The following CD9 variants were observed in gnomAD, a reference collection of about 807,000 sequenced individuals.
CD9 encodes the protein CD9 antigen.
CD9 carries 10 observed loss-of-function variants against 31.4 expected under a neutral mutation model. The observed-to-expected ratio is 0.32, with a 90% CI of 0.20 to 0.54. CD9 has a LOEUF of 0.54. Ranked by LOEUF, CD9 falls within the 20% of genes least tolerant of loss-of-function variation. The pLI is 0.94. For missense variants in CD9, 259 were observed against 300.1 expected, an observed-to-expected ratio of 0.86 and a Z score of 1.01; for synonymous variants, 113 against 114.1, an observed-to-expected ratio of 0.99 and a Z score of 0.06.
chr12:6,233,240 G>C (rs945251822), intron 3 of CD9, 172 bp from the exon 4 acceptor site: 18 of 641,786 alleles, frequency 2.8e-5, no homozygotes, highest in Non-Finnish European at 4.8e-5. Context: ...TCCTGGGCTT[G>C]GTTAACTGCC....
intron 1 of CD9, among the ~76,000 whole-genome samples, chr12:6,221,813 C>CAAA (rs34034952): frequency 1.1e-4 from 7 of 62,028 alleles, no homozygotes; most frequent in African/African-American, 2.3e-4. Flanking sequence ...CCTGGCTCTA[C>CAAA]AAAAAAAAAA....
In CD9 at chr12:6,237,936, AATTTT is replaced by A; in HGVS notation, c.*110_*114del. ...GTTTGTTGTTTGTTTTTTTGCCACT[AATTTT>A]AGTATTCATTCTGCATTGCTAGATA... On this transcript the variant is annotated 3_prime_UTR_variant, in exon 8 of 8. Coordinates refer to ENST00000009180, the MANE Select transcript of CD9 (RefSeq NM_001769.4). 1.3e-6 allele frequency: 1 copy of A among 790,530 alleles called. No individual in the cohort carries two copies. Among genetic ancestry groups the A allele is most frequent in the Non-Finnish European group, 2.1e-6 (1 of 467,346 alleles). 49.0% of individuals were successfully genotyped at this position (790,530 alleles called of 1,614,324 possible).
At position 6,200,426 on chromosome 12, in the gene CD9, A is replaced by G. The variant is rs1946061604; in HGVS notation, c.-74A>G. 13 of 946,534 alleles carry G rather than the reference A, an allele frequency of 1.4e-5. 1 individual carries two copies. The highest frequency in any genetic ancestry group is 2.2e-5 in the Non-Finnish European group (13 of 578,072). The allele number at this position is 946,534 out of a possible 1,614,324, so 58.6% of individuals were successfully genotyped here. A position where few individuals can be genotyped will look rare whatever the true frequency, so the allele number is the denominator to read the frequency against. Reference sequence around the variant, plus strand: ...GCCGCCTGCATCTGTATCCAGCGCCAGGTCCCGCCAGTCCCAGCTGCGCGC... The same window carrying G: ...GCCGCCTGCATCTGTATCCAGCGCCGGGTCCCGCCAGTCCCAGCTGCGCGC... On this transcript the variant is annotated 5_prime_UTR_variant, in exon 1 of 8. Transcript: ENST00000009180.
chr12:6,202,195 G>A (rs892118583), intron 1 of CD9, among the ~76,000 whole-genome samples: 2 of 152,156 alleles, frequency 1.3e-5, no homozygotes, highest in Non-Finnish European at 2.9e-5. Context: ...ACTTCCCCCA[G>A]TGCATCAGTC....
intron 1 of CD9, among the ~76,000 whole-genome samples, chr12:6,219,410 T>G (rs1946271667): frequency 6.6e-6 from 1 of 152,186 alleles, no homozygotes; most frequent in Admixed American, 6.5e-5. Context: ...TTGTTGTCAT[T>G]CCCCAAATAT....
intron 1 of CD9, among the ~76,000 whole-genome samples, chr12:6,211,564 C>T (rs981272273): frequency 2.0e-5 from 3 of 152,244 alleles, no homozygotes; most frequent in Admixed American, 1.3e-4. Context: ...TGGCGGCCAA[C>T]TCTGCAGATG....
At chr12:6,203,834 T>A (rs1351422088) in intron 1 of CD9, among the ~76,000 whole-genome samples, 1 of 152,278 alleles carries the variant, frequency 6.6e-6, no homozygotes, top group South Asian at 2.1e-4. Context: ...CTGCCCTCTT[T>A]CTGGTCAGAG....
intron 1 of CD9, among the ~76,000 whole-genome samples, chr12:6,203,127 G>A (rs1314139328): frequency 6.6e-6 from 1 of 152,178 alleles, no homozygotes; most frequent in Non-Finnish European, 1.5e-5. Context: ...GCCAAGAGCA[G>A]GAAGCATTGT....
chr12:6,216,770 G>A (rs1946247281), intron 1 of CD9, among the ~76,000 whole-genome samples: 1 of 152,104 alleles, frequency 6.6e-6, no homozygotes, highest in African/African-American at 2.4e-5. Flanking sequence ...CAGAACCCCA[G>A]TGTCCTAAAT....
intron 1 of CD9, among the ~76,000 whole-genome samples, chr12:6,221,857 T>G (rs1469875261): frequency 2.0e-5 from 3 of 150,562 alleles, no homozygotes; most frequent in Non-Finnish European, 4.4e-5. Flanking sequence ...TAGCCAGGAT[T>G]AGCGGCATGC....
chr12:6,227,114 T>C (rs1024584261), intron 2 of CD9, among the ~76,000 whole-genome samples: 1 of 152,220 alleles, frequency 6.6e-6, no homozygotes, highest in African/African-American at 2.4e-5. Flanking sequence ...GGCTGATTCT[T>C]TATATTTTTA....
chr12:6,208,534 A>G (rs1946156858), intron 1 of CD9, among the ~76,000 whole-genome samples: 1 of 152,210 alleles, frequency 6.6e-6, no homozygotes, highest in African/African-American at 2.4e-5. Flanking sequence ...TTCAAAACCT[A>G]TTCAAGGATT....
chr12:6,232,682 C>T lies in CD9; in HGVS notation c.226C>T (p.Leu76=). The change falls in exon 3 of 8, where the codon CTG becomes TTG. Residue 76 remains leucine, a synonymous_variant. Coordinates refer to ENST00000009180, the MANE Select transcript of CD9 (RefSeq NM_001769.4). This position sits in a 1 kb window ranked among gnomAD's most constrained non-coding sequence, Gnocchi z 4.8. ...CGCCCTCATGATGCTGGTGGGCTTC[C>T]TGGGCTGCTGCGGGGCTGTGCAGGA... ...AGALMMLVGF[L]GCCGAVQESQ... 3.2e-6 allele frequency: 5 copies of T among 1,581,168 alleles called. No homozygotes were observed. Among genetic ancestry groups the T allele is most frequent in the Non-Finnish European group, 4.3e-6 (5 of 1,166,950 alleles).
intron 1 of CD9, among the ~76,000 whole-genome samples, chr12:6,210,414 A>C (rs1946182526): frequency 6.6e-6 from 1 of 152,180 alleles, no homozygotes; most frequent in African/African-American, 2.4e-5. Context: ...GTGTGGCTGA[A>C]GCTCTCAGGA....
At chr12:6,233,704 T>C (rs1369841139) in intron 4 of CD9, among the ~76,000 whole-genome samples, 2 of 152,092 alleles carry the variant, frequency 1.3e-5, no homozygotes. Context: ...GCCATGGTGT[T>C]GACTCATAGT....
intron 7 of CD9, chr12:6,236,604 C>T: frequency 2.3e-6 from 1 of 437,194 alleles, no homozygotes; most frequent in Non-Finnish European, 4.0e-6. Flanking sequence ...TGCTGTTCTT[C>T]TCCCTAAGAA....
intron 1 of CD9, among the ~76,000 whole-genome samples, chr12:6,215,672 GGATGC>G (rs1043071341): frequency 2.0e-5 from 3 of 152,200 alleles, no homozygotes; most frequent in African/African-American, 7.2e-5. Flanking sequence ...ATGGCCCCCA[GGATGC>G]GCCTGACCAA....
intron 1 of CD9, among the ~76,000 whole-genome samples, chr12:6,205,345 C>G (rs539722416): frequency 4.6e-5 from 7 of 152,344 alleles, no homozygotes; most frequent in African/African-American, 1.7e-4. Flanking sequence ...CTCACACTCA[C>G]GTTCTCTACC....
upstream of CD9, chr12:6,200,345 G>A: frequency 2.3e-6 from 1 of 432,370 alleles, no homozygotes. Context: ...ACCGCAGCGG[G>A]TCGCGCGCCC....
Sources: gnomAD v4.1 joint callset for allele counts (sites outside exome capture counted in the v4.1 genomes callset) on GRCh38, gnomAD v4.1.1 for gene constraint, Gnocchi (gnomAD v3.1) non-coding constraint, MANE v1.5 for transcripts, NCBI Gene and HGNC (gene_info 2026-07-23, HGNC 2026-07-21) for gene names.